The following FAM53C variants were observed in gnomAD, a reference collection of about 807,000 sequenced individuals.
The protein encoded by FAM53C is protein FAM53C.
In FAM53C, 10 loss-of-function variants were observed where a neutral mutation model predicts 34.7. That is an observed-to-expected ratio of 0.29 (90% CI 0.18 to 0.49). FAM53C has a LOEUF of 0.49. Ranked by LOEUF, FAM53C falls within the 20% of genes least tolerant of loss-of-function variation. The probability of loss-of-function intolerance (pLI) is 0.99; values close to 1 mark genes in which losing one functional copy is unlikely to be tolerated. For missense variants in FAM53C, 442 were observed against 515.3 expected, an observed-to-expected ratio of 0.86 and a Z score of 1.38; for synonymous variants, 203 against 203.6, an observed-to-expected ratio of 1.00 and a Z score of 0.03.
chr5:138,338,306 C>A lies in FAM53C; in HGVS notation c.-154C>A. The A allele has an allele frequency of 1.7e-6, 1 of 588,544 alleles. No homozygotes were observed. 36.5% of individuals were successfully genotyped at this position (588,544 alleles called of 1,614,324 possible). A position where few individuals can be genotyped will look rare whatever the true frequency, so the allele number is the denominator to read the frequency against. Reference sequence around the variant, plus strand: ...GCGGCCCTGGGAGCTGGAGGAACCGCGGTAGGTGGTGGAGGGCAGGTGGCG... The same window carrying A: ...GCGGCCCTGGGAGCTGGAGGAACCGAGGTAGGTGGTGGAGGGCAGGTGGCG... On this transcript the variant is annotated splice_region_variant and 5_prime_UTR_variant, in exon 1 of 5. Transcript: ENST00000239906.
Position 138,341,310 on chromosome 5 carries a change from G to A in FAM53C, c.-26G>A. 1 of 1,601,832 alleles carries A rather than the reference G, an allele frequency of 6.2e-7. No homozygotes were observed. Among genetic ancestry groups the A allele is most frequent in the Non-Finnish European group, 8.6e-7 (1 of 1,168,876 alleles). On this transcript the variant is annotated 5_prime_UTR_variant, in exon 2 of 5. The change creates a new upstream start codon in the 5' untranslated region. Coordinates refer to ENST00000239906, the MANE Select transcript of FAM53C (RefSeq NM_016605.3). ...AGACATCCATCATTTGCTCCAAAGT[G>A]TGCAAGTCAAATCCTGGGGAGAATC...
rs201548087 is a variant in FAM53C, at chr5:138,345,210, A to C, written c.522A>C (p.Gln174His). Residue 174 changes from glutamine to histidine, a missense_variant, in exon 4 of 5, where the codon CAA becomes CAC. Gln to His is a conservative substitution (Grantham distance 24). Transcript: ENST00000239906. The surrounding 1 kb of genome is among the most constrained non-coding windows in gnomAD (Gnocchi z 6.3). ...GGGTCTCCAGCCTCAGGTTCCTCCA[A>C]GCTCCCAGTGCCTCTTCTCAATGTG... is the stretch of plus-strand genomic sequence containing the variant. ...PKRVSSLRFL[Q>H]APSASSQCAP... The C allele has an allele frequency of 6.2e-7, 1 of 1,614,156 alleles. No individual in the cohort carries two copies. The highest frequency in any genetic ancestry group is 1.1e-5 in the South Asian group (1 of 91,082).
intron 2 of FAM53C, 110 bp from the exon 3 acceptor site, chr5:138,341,699 C>A: frequency 1.0e-6 from 1 of 970,978 alleles, no homozygotes; most frequent in Admixed American, 1.7e-5. Flanking sequence ...ACTTAATGTC[C>A]CTAACATCCC....
At chr5:138,337,877 G>T, upstream of FAM53C, 1 of 1,047,868 alleles carries the variant, frequency 9.5e-7, no homozygotes, top group Non-Finnish European at 1.3e-6. Context: ...GGCTAATTGC[G>T]TGACGCGGCC....
chr5:138,338,769 G>A (rs1760916142), intron 1 of FAM53C, among the ~76,000 whole-genome samples: 1 of 152,222 alleles, frequency 6.6e-6, no homozygotes, highest in Non-Finnish European at 1.5e-5. Flanking sequence ...TATGGAAGAA[G>A]AGCAGGCAGA....
At chr5:138,346,123 A>G (rs1246664680) in intron 4 of FAM53C, among the ~76,000 whole-genome samples, 1 of 152,174 alleles carries the variant, frequency 6.6e-6, no homozygotes, top group Admixed American at 6.5e-5. Flanking sequence ...CACTTTTTTC[A>G]TATTATTCTT....
Position 138,344,944 on chromosome 5 carries a change from TC to T in FAM53C, c.261del (p.Lys88ArgfsTer9). 6.2e-7 allele frequency: 1 copy of T among 1,613,754 alleles called. No individual in the cohort carries two copies. On this transcript the variant is annotated frameshift_variant, in exon 4 of 5. Transcript: ENST00000239906. LOFTEE classifies it high-confidence loss of function. ...CCTCAGACCACCCAGTCGGGGAAAC[TC>T]CCCCAAGGAGCAGCCCTTCTCCCAA... ...LHLRPPSRGN[S>X]PKEQPFSQVL...
upstream of FAM53C, chr5:138,338,092 G>A (rs1042243884): frequency 1.6e-6 from 2 of 1,289,780 alleles, no homozygotes; most frequent in Non-Finnish European, 2.0e-6. Context: ...CGCCAGGCTC[G>A]TTCCCAACAG....
At position 138,341,279 on chromosome 5, in the gene FAM53C, C is replaced by A; in HGVS notation, c.-57C>A. On this transcript the variant is annotated 5_prime_UTR_variant, in exon 2 of 5. Transcript: ENST00000239906. ...TCACAAGTGAGGTCTGGAAGAACAACAGGGAAGACATCCATCATTTGCTCC... is the reference window on the plus strand; with the variant it reads ...TCACAAGTGAGGTCTGGAAGAACAAAAGGGAAGACATCCATCATTTGCTCC... The A allele has an allele frequency of 1.4e-6, 2 of 1,442,434 alleles. No individual in the cohort carries two copies. The highest frequency in any genetic ancestry group is 2.0e-6 in the Non-Finnish European group (2 of 1,023,280). The allele number at this position is 1,442,434 out of a possible 1,614,324, so 89.4% of individuals were successfully genotyped here.
rs372759629 is a variant in FAM53C at position 138,345,630 on chromosome 5, G to C, written c.921+21G>C. ...ATCAGGTGGGACCAGCAAGACTAGG[G>C]GAGCTTAGATGGGAGTGTGGGGACT... On this transcript the variant is annotated intron_variant, in intron 4 of 4. Coordinates refer to ENST00000239906, the MANE Select transcript of FAM53C (RefSeq NM_016605.3). The surrounding 1 kb of genome is among the most constrained non-coding windows in gnomAD (Gnocchi z 6.3). 12 of 1,598,056 alleles carry C rather than the reference G, an allele frequency of 7.5e-6. No individual in the cohort carries two copies. In the African/African-American group the frequency reaches 1.6e-4, roughly 21 times the overall value.
In FAM53C at chr5:138,341,270, G is replaced by A. The variant is rs767588975; in HGVS notation, c.-66G>A. 3 of 1,387,424 alleles carry A rather than the reference G, an allele frequency of 2.2e-6. No individual in the cohort carries two copies. The highest frequency in any genetic ancestry group is 2.8e-5 in the African/African-American group (2 of 70,726). The allele number at this position is 1,387,424 out of a possible 1,614,324, so 85.9% of individuals were successfully genotyped here. A position where few individuals can be genotyped will look rare whatever the true frequency, so the allele number is the denominator to read the frequency against. On this transcript the variant is annotated 5_prime_UTR_variant, in exon 2 of 5. It introduces an in-frame stop codon into an upstream open reading frame of the 5' UTR. Coordinates refer to ENST00000239906, the MANE Select transcript of FAM53C (RefSeq NM_016605.3). ...GAAGACGGCTCACAAGTGAGGTCTG[G>A]AAGAACAACAGGGAAGACATCCATC...
chr5:138,341,901 AC>A, intron 3 of FAM53C, 35 bp downstream of exon 3: 1 of 1,601,906 alleles, frequency 6.2e-7, no homozygotes, highest in Non-Finnish European at 8.6e-7. Flanking sequence ...ACGTGTGTGT[AC>A]CCATTCCTCT....
Position 138,341,195 on chromosome 5 carries a change from A to G in FAM53C, c.-141A>G, listed in dbSNP as rs531474942. 12 of 786,428 alleles carry G rather than the reference A, an allele frequency of 1.5e-5. No individual in the cohort carries two copies. Among genetic ancestry groups the G allele is most frequent in the Non-Finnish European group, 2.6e-5 (11 of 430,170 alleles). 48.7% of individuals were successfully genotyped at this position (786,428 alleles called of 1,614,324 possible). A position where few individuals can be genotyped will look rare whatever the true frequency, so the allele number is the denominator to read the frequency against. On this transcript the variant is annotated 5_prime_UTR_variant, in exon 2 of 5. The change abolishes an upstream ATG in the 5' untranslated region. Coordinates refer to ENST00000239906, the MANE Select transcript of FAM53C (RefSeq NM_016605.3). ...CCTCTAATTGGCAGACTCAGCAGGC[A>G]TGACTGGAGAGGGAAGTCCCAATGG...
At chr5:138,346,250 A>C (rs1761170762) in intron 4 of FAM53C, among the ~76,000 whole-genome samples, 1 of 152,248 alleles carries the variant, frequency 6.6e-6, no homozygotes. Context: ...CAAAGTAATG[A>C]AACACTGCAG....
chr5:138,344,798 ATTATTC>A (rs763356632), intron 3 of FAM53C, 21 bp from the exon 4 acceptor site: 17 of 1,502,286 alleles, frequency 1.1e-5, no homozygotes, highest in East Asian at 2.3e-5. Context: ...TATCATTAAT[ATTATTC>A]TTATTATAAA....
chr5:138,337,785 G>C (rs978633665), upstream of FAM53C: 3 of 391,942 alleles, frequency 7.7e-6, 1 homozygote, highest in South Asian at 4.1e-5. Context: ...CGCCGCGGAC[G>C]GGTCCTTTGC....
chr5:138,341,114 C>T (rs1761020844), intron 1 of FAM53C, 70 bp from the exon 2 acceptor site: 1 of 650,690 alleles, frequency 1.5e-6, no homozygotes, highest in Non-Finnish European at 2.9e-6. Flanking sequence ...GGTATGTGTG[C>T]CATGCATTTT....
Position 138,341,185 on chromosome 5 carries a change from C to T in FAM53C, c.-151C>T, listed in dbSNP as rs757140219. The T allele has an allele frequency of 5.2e-6, 4 of 770,882 alleles. No individual in the cohort carries two copies. The African/African-American group carries it at 6.8e-5, about 13-fold the overall frequency. The allele number at this position is 770,882 out of a possible 1,614,324, so 47.8% of individuals were successfully genotyped here. ...GGGGCTGGTCCCTCTAATTGGCAGA[C>T]TCAGCAGGCATGACTGGAGAGGGAA... is the stretch of plus-strand genomic sequence containing the variant. On this transcript the variant is annotated splice_region_variant and 5_prime_UTR_variant, in exon 2 of 5. Transcript: ENST00000239906.
In FAM53C at chr5:138,346,889, C is replaced by T. The variant is rs751665146; in HGVS notation, c.1109C>T (p.Ala370Val). The change falls in exon 5 of 5, where the codon GCG becomes GTG. Residue 370 changes from alanine (A) to valine (V), a missense_variant. Physicochemically the swap from Ala to Val is moderately conservative, Grantham distance 64. Coordinates refer to ENST00000239906, the MANE Select transcript of FAM53C (RefSeq NM_016605.3). ...EEGAVRWGRQ[A>V]LSKRTLCQRD... Reference sequence around the variant, plus strand: ...GGGGCTGTGCGGTGGGGTCGGCAGGCGCTGAGCAAGCGGACACTGTGCCAG... The same window carrying T: ...GGGGCTGTGCGGTGGGGTCGGCAGGTGCTGAGCAAGCGGACACTGTGCCAG... 9.9e-6 allele frequency: 16 copies of T among 1,614,066 alleles called. No homozygotes were observed. The highest frequency in any genetic ancestry group is 5.5e-5 in the South Asian group (5 of 91,080).
Sources: allele counts gnomAD v4.1 joint callset (sites outside exome capture counted in the v4.1 genomes callset), GRCh38; gene constraint gnomAD v4.1.1; non-coding constraint Gnocchi (gnomAD v3.1); transcripts MANE v1.5; gene names NCBI Gene and HGNC (gene_info 2026-07-23, HGNC 2026-07-21).